The following HCN1 variants were observed in gnomAD, a reference collection of about 807,000 sequenced individuals.
HCN1 encodes the protein hyperpolarization activated cyclic nucleotide gated potassium channel 1.
In HCN1, 13 loss-of-function variants were observed where a neutral mutation model predicts 78.9. The observed-to-expected ratio is 0.16, with a 90% CI of 0.11 to 0.26. HCN1 has a LOEUF of 0.26. HCN1 is among the 10% of genes least tolerant of loss of function. The probability of loss-of-function intolerance (pLI) is 1.00; values close to 1 mark genes in which losing one functional copy is unlikely to be tolerated. For missense variants in HCN1, 810 were observed against 1,154.3 expected (o/e 0.70, Z 4.32); for synonymous variants, 552 against 455.5 (o/e 1.21, Z -2.70).
chr5:45,357,504 G>T (rs1188875475), intron 4 of HCN1, among the ~76,000 whole-genome samples: 4 of 151,456 alleles, frequency 2.6e-5, no homozygotes, highest in African/African-American at 2.4e-5. Flanking sequence ...CATTAATTCC[G>T]CCTCCTTTTC....
chr5:45,597,549 G>A (rs1183510376), intron 2 of HCN1, among the ~76,000 whole-genome samples: 1 of 152,164 alleles, frequency 6.6e-6, no homozygotes, highest in Non-Finnish European at 1.5e-5. Context: ...GTTCAACACA[G>A]TGTTGGAAGT....
intron 2 of HCN1, among the ~76,000 whole-genome samples, chr5:45,487,505 T>C (rs184321522): frequency 5.6e-4 from 85 of 152,106 alleles, no homozygotes; most frequent in Non-Finnish European, 9.9e-4. Context: ...CTATTTTTAA[T>C]ATATCTAGGC....
At chr5:45,663,660 C>G (rs1402214150) in intron 1 of HCN1, among the ~76,000 whole-genome samples, 1 of 151,600 alleles carries the variant, frequency 6.6e-6, no homozygotes, top group Non-Finnish European at 1.5e-5. Flanking sequence ...CATGAACAGA[C>G]ACTTCTCAAG....
rs112918483 is a variant in HCN1, at chr5:45,384,631, G to A, written c.1230+11861C>T. Among the ~76,000 whole-genome samples the A allele has an allele frequency of 6.5e-3, 984 of 152,034 alleles. 5 individuals carry two copies. Among genetic ancestry groups the A allele is most frequent in the African/African-American group, 0.023 (946 of 41,486 alleles). On this transcript the variant is annotated intron_variant, in intron 4 of 7. Transcript: ENST00000303230. The stretch of plus-strand genomic sequence containing the variant: ...CTTTCTCAAATAAACTTGTTTTTAC[G>A]GATGGAAAAAAATCTTAGAATAATA...
chr5:45,337,064 T>C (rs761218672), intron 5 of HCN1, among the ~76,000 whole-genome samples: 1 of 152,060 alleles, frequency 6.6e-6, no homozygotes, highest in Non-Finnish European at 1.5e-5. Context: ...TCCATGAATG[T>C]GATTGGGTTA....
chr5:45,561,138 A>G (rs1338779515), intron 2 of HCN1, among the ~76,000 whole-genome samples: 1 of 152,122 alleles, frequency 6.6e-6, no homozygotes, highest in Admixed American at 6.6e-5. Context: ...AAAAAACTTT[A>G]CTTAAATATA....
chr5:45,658,608 G>T (rs1470033678), intron 1 of HCN1, among the ~76,000 whole-genome samples: 4 of 151,830 alleles, frequency 2.6e-5, no homozygotes, highest in Admixed American at 6.6e-5. Context: ...CACCGTGCGC[G>T]AGCCGAAGCA....
intron 2 of HCN1, among the ~76,000 whole-genome samples, chr5:45,622,198 T>C (rs1482174671): frequency 2.0e-5 from 3 of 151,670 alleles, no homozygotes; most frequent in African/African-American, 7.3e-5. Flanking sequence ...AGAGGGAGAC[T>C]TCGTCTTAAA....
chr5:45,313,813 G>A (rs977735383), intron 5 of HCN1, among the ~76,000 whole-genome samples: 1 of 152,106 alleles, frequency 6.6e-6, no homozygotes, highest in Non-Finnish European at 1.5e-5. Context: ...GAGAAGTTTA[G>A]AGAAAGAAAA....
At chr5:45,477,047 C>CAATT (rs1224818244) in intron 2 of HCN1, among the ~76,000 whole-genome samples, 23 of 152,146 alleles carry the variant, frequency 1.5e-4, no homozygotes, top group African/African-American at 5.3e-4. Flanking sequence ...TGAGTTGTTA[C>CAATT]AATTACATCA....
chr5:45,585,911 C>T (rs972646606), intron 2 of HCN1, among the ~76,000 whole-genome samples: 10 of 152,114 alleles, frequency 6.6e-5, no homozygotes, highest in Non-Finnish European at 1.3e-4. Context: ...AGTACCCAGC[C>T]GTGTGAGGTG....
chr5:45,492,493 G>A (rs1741906881), intron 2 of HCN1, among the ~76,000 whole-genome samples: 1 of 144,772 alleles, frequency 6.9e-6, no homozygotes, highest in Non-Finnish European at 1.5e-5. Flanking sequence ...GTGTGAGACA[G>A]TGGCGTTACC....
intron 2 of HCN1, among the ~76,000 whole-genome samples, chr5:45,607,596 T>G (rs1201830317): frequency 6.9e-6 from 1 of 145,844 alleles, no homozygotes; most frequent in Non-Finnish European, 1.5e-5. Flanking sequence ...TATATATATA[T>G]CTATAGATAG....
At position 45,507,525 on chromosome 5, in the gene HCN1, C is replaced by T. The variant is rs904608860; in HGVS notation, c.850-45518G>A. Reference sequence around the variant, plus strand: ...ATTTTGTAATGGTTCCAAGGTCCCACTAAAACTATGATGGAAAAAATAAAA... The same window carrying T: ...ATTTTGTAATGGTTCCAAGGTCCCATTAAAACTATGATGGAAAAAATAAAA... On this transcript the variant is annotated intron_variant, in intron 2 of 7. Coordinates refer to ENST00000303230, the MANE Select transcript of HCN1 (RefSeq NM_021072.4). Among the ~76,000 whole-genome samples, 36 of 152,028 alleles carry T rather than the reference C, an allele frequency of 2.4e-4. 1 individual carries two copies. Among genetic ancestry groups the T allele is most frequent in the Non-Finnish European group, 5.9e-5 (4 of 68,002 alleles).
intron 5 of HCN1, among the ~76,000 whole-genome samples, chr5:45,342,243 T>C (rs186280355): frequency 6.6e-6 from 1 of 152,062 alleles, no homozygotes; most frequent in East Asian, 1.9e-4. Flanking sequence ...CTTTCCTTTT[T>C]TTTTTTTTGA....
chr5:45,384,478 C>A (rs150099231), intron 4 of HCN1, among the ~76,000 whole-genome samples: 35 of 152,226 alleles, frequency 2.3e-4, no homozygotes, highest in African/African-American at 6.7e-4. Context: ...AACAGCACTG[C>A]AGAACATAAA....
At chr5:45,388,885 T>C (rs1320223284) in intron 4 of HCN1, among the ~76,000 whole-genome samples, 5 of 152,178 alleles carry the variant, frequency 3.3e-5, no homozygotes, top group Admixed American at 6.6e-5. Flanking sequence ...CTGTTTAATA[T>C]GTCCACCCGC....
chr5:45,505,665 G>T (rs1561181220), intron 2 of HCN1, among the ~76,000 whole-genome samples: 1 of 151,948 alleles, frequency 6.6e-6, no homozygotes, highest in Admixed American at 6.6e-5. Flanking sequence ...TTAAAATCTG[G>T]ATGCATATAT....
chr5:45,654,725 GAC>G (rs1475189781), intron 1 of HCN1, among the ~76,000 whole-genome samples: 2 of 152,078 alleles, frequency 1.3e-5, no homozygotes. Context: ...GTGAGTTACA[GAC>G]AGTTTTATAT....
Sources: gnomAD v4.1 joint callset for allele counts (sites outside exome capture counted in the v4.1 genomes callset) on GRCh38, gnomAD v4.1.1 for gene constraint, MANE v1.5 for transcripts, NCBI Gene and HGNC (gene_info 2026-07-23, HGNC 2026-07-21) for gene names.